NUDT13: variants seen among roughly 807,000 people sequenced by gnomAD.
NUDT13 encodes the protein nudix hydrolase 13.
Under a neutral mutation model 41.7 loss-of-function variants are expected in NUDT13, and 40 were observed. The observed-to-expected ratio is 0.96, with a 90% CI of 0.75 to 1.25. The LOEUF (loss-of-function observed/expected upper bound fraction) is 1.25. Among genes scored for constraint, NUDT13 ranks in the 50% most tolerant of loss-of-function variants. The probability of loss-of-function intolerance (pLI) is 0.00; values close to 1 mark genes in which losing one functional copy is unlikely to be tolerated. For synonymous variants in NUDT13, 145 were observed against 155.5 expected (o/e 0.93, Z 0.50); for missense variants, 390 against 416.1 (o/e 0.94, Z 0.55).
chr10:73,118,410 T>C (rs1842566198), intron 2 of NUDT13, among the ~76,000 whole-genome samples: 1 of 152,044 alleles, frequency 6.6e-6, no homozygotes, highest in South Asian at 2.1e-4. Context: ...ACAGGAAATA[T>C]CTGCAAACTA....
In NUDT13 at chr10:73,125,511, T is replaced by C. The variant is rs1322831827; in HGVS notation, c.703+2T>C. 8 of 1,574,350 alleles carry C rather than the reference T, an allele frequency of 5.1e-6. No individual in the cohort carries two copies. The highest frequency in any genetic ancestry group is 6.9e-6 in the Non-Finnish European group (8 of 1,156,950). On this transcript the variant is annotated splice_donor_variant, in intron 7 of 8. Transcript: ENST00000357321. LOFTEE classifies it high-confidence loss of function. ...CCTTGGCAGGTTTTTGTGATATAGG[T>C]GAGGAGTTTAGGGGATATACAGGTG...
chr10:73,110,613 A>G (rs1291983562), intron 1 of NUDT13, 46 bp downstream of exon 1: 1 of 152,234 alleles, frequency 6.6e-6, no homozygotes, highest in Non-Finnish European at 1.5e-5. Context: ...AAGTGCAGGA[A>G]GGACTTCACA....
intron 8 of NUDT13, among the ~76,000 whole-genome samples, chr10:73,127,703 C>T (rs1327269389): frequency 4.0e-5 from 6 of 150,612 alleles, no homozygotes; most frequent in Non-Finnish European, 8.9e-5. Flanking sequence ...CAAAAGTTTC[C>T]TCCCACCCCT....
At chr10:73,124,865 C>A in intron 5 of NUDT13, 2 of 368,434 alleles carry the variant, frequency 5.4e-6, no homozygotes, top group Non-Finnish European at 9.7e-6. Flanking sequence ...ATTTTATTAC[C>A]TCATATACTT....
chr10:73,121,311 T>C (rs1272788320), intron 3 of NUDT13, among the ~76,000 whole-genome samples: 1 of 152,206 alleles, frequency 6.6e-6, no homozygotes, highest in African/African-American at 2.4e-5. Flanking sequence ...AACTTCCGTA[T>C]TGCCAGTGAA....
intron 8 of NUDT13, among the ~76,000 whole-genome samples, chr10:73,129,672 CT>C (rs995185886): frequency 1.4e-4 from 19 of 140,606 alleles, no homozygotes; most frequent in Non-Finnish European, 2.1e-4. Flanking sequence ...AACCCTTACC[CT>C]TTAAAAAAAA....
intron 2 of NUDT13, among the ~76,000 whole-genome samples, chr10:73,116,619 G>A (rs1436458365): frequency 6.6e-6 from 1 of 151,938 alleles, no homozygotes; most frequent in Admixed American, 6.6e-5. Flanking sequence ...GCGTGCACCT[G>A]TAGTCACAGC....
chr10:73,111,691 A>G (rs1241686185), intron 1 of NUDT13, among the ~76,000 whole-genome samples: 1 of 152,238 alleles, frequency 6.6e-6, no homozygotes, highest in East Asian at 1.9e-4. Flanking sequence ...GTCAGCAGCC[A>G]TGATAATCTA....
chr10:73,123,887 G>A (rs1376283173), intron 4 of NUDT13, among the ~76,000 whole-genome samples: 1 of 152,020 alleles, frequency 6.6e-6, no homozygotes, highest in Non-Finnish European at 1.5e-5. Context: ...TCGAACTCCT[G>A]ACCTCAAGTG....
chr10:73,118,495 TA>T (rs1360413964), intron 2 of NUDT13, among the ~76,000 whole-genome samples: 2 of 152,144 alleles, frequency 1.3e-5, no homozygotes, highest in African/African-American at 4.8e-5. Flanking sequence ...CAAAAATGGC[TA>T]ATCCCAAGGC....
chr10:73,119,399 T>TATCTA, intron 2 of NUDT13: 1 of 573,530 alleles, frequency 1.7e-6, no homozygotes, highest in Non-Finnish European at 2.2e-6. Context: ...GGGATCTAGA[T>TATCTA]GTCTGAAGTA....
At chr10:73,112,160 G>C (rs971896307) in intron 1 of NUDT13, among the ~76,000 whole-genome samples, 1 of 152,080 alleles carries the variant, frequency 6.6e-6, no homozygotes, top group African/African-American at 2.4e-5. Context: ...AGACCAGCCT[G>C]ACCAACATGG....
chr10:73,111,291 C>T (rs1288061264), intron 1 of NUDT13, among the ~76,000 whole-genome samples: 2 of 152,116 alleles, frequency 1.3e-5, no homozygotes, highest in South Asian at 2.1e-4. Flanking sequence ...AAAAAGGTCT[C>T]TTAAATACTA....
rs189062761 is a variant in NUDT13, at chr10:73,129,997, T to C, written c.859-706T>C. ...TCCATCTCAAAAAAAAAAAAAGTAA[T>C]ATTTGTATGTTCTTTTTTAATTGAA... On this transcript the variant is annotated intron_variant, in intron 8 of 8. Transcript: ENST00000357321. Among the ~76,000 whole-genome samples the C allele has an allele frequency of 7.9e-3, 1,196 of 151,500 alleles. 13 individuals are homozygous for C. The highest frequency in any genetic ancestry group is 0.026 in the African/African-American group (1,068 of 41,308).
intron 8 of NUDT13, among the ~76,000 whole-genome samples, chr10:73,127,156 G>A (rs1036262247): frequency 6.6e-6 from 1 of 151,888 alleles, no homozygotes; most frequent in Non-Finnish European, 1.5e-5. Flanking sequence ...TGAGGTGGGC[G>A]GATCACGAGG....
At chr10:73,112,109 G>A (rs1842378738) in intron 1 of NUDT13, among the ~76,000 whole-genome samples, 1 of 152,132 alleles carries the variant, frequency 6.6e-6, no homozygotes, top group South Asian at 2.1e-4. Flanking sequence ...CCAGCACTTT[G>A]GGAGACCCAG....
intron 2 of NUDT13, among the ~76,000 whole-genome samples, chr10:73,117,544 T>A (rs1349313775): frequency 1.6e-5 from 2 of 128,686 alleles, no homozygotes; most frequent in African/African-American, 3.0e-5. Context: ...AAAACAAGAG[T>A]GAAACTCAGT....
Position 73,126,726 on chromosome 10 carries a change from G to A in NUDT13, c.757G>A (p.Glu253Lys), listed in dbSNP as rs772754943. 1.7e-5 allele frequency: 28 copies of A among 1,614,028 alleles called. No homozygotes were observed. Among genetic ancestry groups the A allele is most frequent in the Non-Finnish European group, 2.3e-5 (27 of 1,180,010 alleles). ...AGAAGTTGCAGAAGAGGTGGGATTG[G>A]AGGTGGAAAGCCTGCAGTACTATGC... is the stretch of plus-strand genomic sequence containing the variant. ...RREVAEEVGL[E>K]VESLQYYASQ... The change falls in exon 8 of 9, where the codon GAG becomes AAG. Residue 253 changes from glutamate (E) to lysine (K), a missense_variant. Transcript: ENST00000357321.
chr10:73,123,942 T>A (rs1445854670), intron 4 of NUDT13, among the ~76,000 whole-genome samples: 1 of 152,120 alleles, frequency 6.6e-6, no homozygotes, highest in African/African-American at 2.4e-5. Flanking sequence ...TGGCCTTTTT[T>A]AAATTTTAGA....
Sources: allele counts gnomAD v4.1 joint callset (sites outside exome capture counted in the v4.1 genomes callset), GRCh38; gene constraint gnomAD v4.1.1; transcripts MANE v1.5; gene names NCBI Gene and HGNC (gene_info 2026-07-23, HGNC 2026-07-21).